Variants in ZZEF1 observed in about 807,000 individuals in gnomAD.
The protein encoded by ZZEF1 is zinc finger ZZ-type and EF-hand domain containing 1.
A neutral mutation model predicts 342.8 loss-of-function variants in ZZEF1; 157 were observed. The observed-to-expected ratio is 0.46, with a 90% CI of 0.40 to 0.52. The LOEUF is 0.52. Ranked by LOEUF, ZZEF1 falls within the 20% of genes least tolerant of loss-of-function variation. The probability of loss-of-function intolerance (pLI) is 0.00; values close to 1 mark genes in which losing one functional copy is unlikely to be tolerated. For synonymous variants in ZZEF1, 1,505 were observed against 1,429.1 expected (o/e 1.05, Z -1.20); for missense variants, 3,480 against 3,725.6 (o/e 0.93, Z 1.72).
At chr17:4,112,267 C>A (rs1174521709) in intron 5 of ZZEF1, among the ~76,000 whole-genome samples, 1 of 150,656 alleles carries the variant, frequency 6.6e-6, no homozygotes, top group Non-Finnish European at 1.5e-5. Flanking sequence ...TGCCTTAGCC[C>A]CCCAAGTGGC....
intron 4 of ZZEF1, 52 bp from the exon 5 acceptor site, chr17:4,112,860 G>C: frequency 1.4e-6 from 2 of 1,449,606 alleles, no homozygotes; most frequent in Non-Finnish European, 1.8e-6. Flanking sequence ...GTCAAGAACT[G>C]ACAGGATCCA....
At chr17:4,054,363 G>A (rs1372248754) in intron 33 of ZZEF1, among the ~76,000 whole-genome samples, 168 bp from the exon 34 acceptor site, 1 of 152,210 alleles carries the variant, frequency 6.6e-6, no homozygotes, top group Non-Finnish European at 1.5e-5. Flanking sequence ...ATTCCATCAA[G>A]GAGGTGATGA....
intron 52 of ZZEF1, among the ~76,000 whole-genome samples, chr17:4,011,133 G>A (rs2055942351): frequency 6.6e-6 from 1 of 151,952 alleles, no homozygotes; most frequent in Non-Finnish European, 1.5e-5. Flanking sequence ...CAGGAGCGGT[G>A]GCTCATACCT....
chr17:4,114,602 T>A (rs2058364869), intron 3 of ZZEF1, 132 bp from the exon 4 acceptor site: 12 of 714,196 alleles, frequency 1.7e-5, no homozygotes, highest in Non-Finnish European at 2.3e-5. Flanking sequence ...TAAAATCTCC[T>A]TCCAGATCCT....
At chr17:4,105,467 C>G (rs1186816812) in intron 7 of ZZEF1, among the ~76,000 whole-genome samples, 1 of 152,176 alleles carries the variant, frequency 6.6e-6, no homozygotes, top group Non-Finnish European at 1.5e-5. Flanking sequence ...TCCCCTTGGG[C>G]CCTGCAACAC....
intron 5 of ZZEF1, among the ~76,000 whole-genome samples, chr17:4,110,450 T>C (rs2058277411): frequency 6.6e-6 from 1 of 152,190 alleles, no homozygotes; most frequent in Non-Finnish European, 1.5e-5. Flanking sequence ...ACTACTTATT[T>C]GCTAGGGGTG....
intron 1 of ZZEF1, among the ~76,000 whole-genome samples, chr17:4,126,589 CA>C: frequency 6.6e-6 from 1 of 152,188 alleles, no homozygotes; most frequent in South Asian, 2.1e-4. Context: ...GCTGCAGGCC[CA>C]AAAAGACTTA....
At chr17:4,043,810 C>G (rs2056852933) in intron 38 of ZZEF1, among the ~76,000 whole-genome samples, 1 of 152,200 alleles carries the variant, frequency 6.6e-6, no homozygotes, top group Non-Finnish European at 1.5e-5. Flanking sequence ...TATGAGGATA[C>G]AGTCTGCCCC....
intron 18 of ZZEF1, 23 bp downstream of exon 18, chr17:4,081,353 A>G: frequency 6.2e-7 from 1 of 1,601,586 alleles, no homozygotes; most frequent in Non-Finnish European, 8.5e-7. Flanking sequence ...GACAAAGAAA[A>G]CAGGGAGGCA....
intron 30 of ZZEF1, among the ~76,000 whole-genome samples, chr17:4,062,111 C>G (rs1031655533): frequency 1.9e-4 from 29 of 151,996 alleles, no homozygotes; most frequent in East Asian, 9.6e-4. Flanking sequence ...GGACTAACTC[C>G]CCCCCTGGAG....
chr17:4,049,567 A>G (rs1000176832), intron 37 of ZZEF1, 141 bp downstream of exon 37: 9 of 933,886 alleles, frequency 9.6e-6, no homozygotes, highest in South Asian at 1.8e-5. Context: ...AACATGCCCA[A>G]GGTTTGATGG....
intron 21 of ZZEF1, among the ~76,000 whole-genome samples, chr17:4,075,644 A>C (rs937331992): frequency 1.3e-5 from 2 of 152,164 alleles, no homozygotes; most frequent in African/African-American, 4.8e-5. Flanking sequence ...TTTATTACAC[A>C]CAAAAACTCC....
intron 21 of ZZEF1, 82 bp from the exon 22 acceptor site, chr17:4,075,511 G>A: frequency 6.6e-7 from 1 of 1,511,920 alleles, no homozygotes; most frequent in Admixed American, 1.9e-5. Flanking sequence ...TTCTCTATCA[G>A]TGCTCCAGGC....
At chr17:4,096,777 C>T (rs2058041079) in intron 9 of ZZEF1, 77 bp from the exon 10 acceptor site, 3 of 1,187,760 alleles carry the variant, frequency 2.5e-6, no homozygotes, top group South Asian at 2.5e-5. Flanking sequence ...CAAAAACAAA[C>T]CATATCCTTT....
intron 32 of ZZEF1, chr17:4,056,667 GTTA>G (rs10596346): frequency 0.33 from 51,055 of 152,570 alleles, 9,863 homozygotes; most frequent in African/African-American, 0.55. Flanking sequence ...GCCAAATAAA[GTTA>G]TTATTATTAT....
rs140708238 is a variant in ZZEF1 at position 4,071,215 on chromosome 17, T to C, written c.3835-291A>G. On this transcript the variant is annotated intron_variant, in intron 25 of 54. Coordinates refer to ENST00000381638, the MANE Select transcript of ZZEF1 (RefSeq NM_015113.4). ...TTCAAAGGAGAGAGATCCTGGTAGG[T>C]TAAAGTAATTAAGAAAAGCCTCCTG... is the stretch of plus-strand genomic sequence containing the variant. 1,507 of 310,618 alleles carry C rather than the reference T, an allele frequency of 4.9e-3. 9 individuals are homozygous for C. Among genetic ancestry groups the C allele is most frequent in the Non-Finnish European group, 7.3e-3 (1,242 of 170,042 alleles). The allele number at this position is 310,618 out of a possible 1,614,324, so 19.2% of individuals were successfully genotyped here.
At position 4,090,799 on chromosome 17, in the gene ZZEF1, C is replaced by T; in HGVS notation, c.1945G>A (p.Asp649Asn). Residue 649 changes from aspartate (D) to asparagine (N), a missense_variant, in exon 12 of 55, where the codon GAT becomes AAT. Around this residue, in one of 5 missense-constraint regions of ZZEF1, gnomAD observed 1,528 missense variants for 1,624.1 expected, o/e 0.94. Transcript: ENST00000381638. ...IGCSSDDLGE[D>N]DPIGWFELEE... ...AGTTCAAACCAGCCAATAGGATCATCCTCTCCAAGGTCATCAGATGAGCAA... is the reference window on the plus strand; with the variant it reads ...AGTTCAAACCAGCCAATAGGATCATTCTCTCCAAGGTCATCAGATGAGCAA... The T allele has an allele frequency of 6.2e-7, 1 of 1,614,122 alleles. No individual in the cohort carries two copies. The highest frequency in any genetic ancestry group is 8.5e-7 in the Non-Finnish European group (1 of 1,180,012).
intron 17 of ZZEF1, 70 bp downstream of exon 17, chr17:4,082,366 AG>A: frequency 6.7e-7 from 1 of 1,492,264 alleles, no homozygotes; most frequent in East Asian, 2.4e-5. Context: ...CATGAAAGGA[AG>A]GGCAAGCTCA....
chr17:4,060,619 C>A (rs2057266607), intron 30 of ZZEF1, among the ~76,000 whole-genome samples: 1 of 151,886 alleles, frequency 6.6e-6, no homozygotes, highest in African/African-American at 2.4e-5. Flanking sequence ...CCCCCACCCC[C>A]ACCAAAAAAC....
Sources: gnomAD v4.1 joint callset for allele counts (sites outside exome capture counted in the v4.1 genomes callset) on GRCh38, gnomAD v4.1.1 for gene constraint, gnomAD v4.1.1 regional missense constraint, MANE v1.5 for transcripts, NCBI Gene and HGNC (gene_info 2026-07-23, HGNC 2026-07-21) for gene names.